KCNH6: variants seen among roughly 807,000 people sequenced by gnomAD.
KCNH6 encodes voltage-gated inwardly rectifying potassium channel KCNH6.
Under a neutral mutation model 83.4 loss-of-function variants are expected in KCNH6, and 81 were observed. The ratio of observed to expected loss-of-function variants is 0.97; its 90% CI spans 0.81 to 1.17. The LOEUF (loss-of-function observed/expected upper bound fraction) is 1.17, where lower values mean the gene tolerates loss of function less well. KCNH6 is among the 50% of genes most tolerant of loss of function. The probability of loss-of-function intolerance (pLI) is 0.00; values close to 1 mark genes in which losing one functional copy is unlikely to be tolerated. For missense variants in KCNH6, 1,203 were observed against 1,290.5 expected (o/e 0.93, Z 1.04); for synonymous variants, 503 against 545.6 (o/e 0.92, Z 1.09).
At chr17:63,537,967 TCAC>T (rs2032604598) in intron 6 of KCNH6, 95 bp from the exon 7 acceptor site, 2 of 1,227,432 alleles carry the variant, frequency 1.6e-6, no homozygotes, top group South Asian at 2.7e-5. Context: ...GAGGGGTCCT[TCAC>T]CAGGGGGCTG....
At chr17:63,526,193 A>G (rs567498708) in intron 2 of KCNH6, among the ~76,000 whole-genome samples, 2 of 152,252 alleles carry the variant, frequency 1.3e-5, no homozygotes, top group Admixed American at 1.3e-4. Flanking sequence ...CTGGTGCCCC[A>G]TAAGTCCCAA....
chr17:63,536,163 T>C (rs1454470362), intron 6 of KCNH6, 95 bp downstream of exon 6: 2 of 1,118,046 alleles, frequency 1.8e-6, no homozygotes, highest in African/African-American at 1.5e-5. Context: ...ACATAACACA[T>C]AGCAACAATT....
chr17:63,535,826 AC>A lies in KCNH6; in HGVS notation c.1260del (p.Tyr420Ter). ...LIAHWLACIW[Y>X]AIGNVERPYL... is the part of the protein sequence containing the mutation. ...GCGCACTGGCTGGCCTGCATCTGGT[AC>A]GCCATCGGCAATGTGGAGCGGCCCT... On this transcript the variant is annotated frameshift_variant, in exon 6 of 13. Transcript: ENST00000314672. LOFTEE classifies it high-confidence loss of function. This position sits in a 1 kb window ranked among gnomAD's most constrained non-coding sequence, Gnocchi z 4.9. 1.2e-6 allele frequency: 2 copies of A among 1,614,208 alleles called. No individual in the cohort carries two copies. The highest frequency in any genetic ancestry group is 2.2e-5 in the South Asian group (2 of 91,088).
In KCNH6 at chr17:63,535,559, ATGTT is replaced by A. The variant is rs899358895; in HGVS notation, c.1102-105_1102-102del. The A allele has an allele frequency of 5.7e-6, 6 of 1,046,312 alleles. No individual in the cohort carries two copies. The Admixed American group carries it at 1.2e-4, about 21-fold the overall frequency. The allele number at this position is 1,046,312 out of a possible 1,614,324, so 64.8% of individuals were successfully genotyped here. On this transcript the variant is annotated intron_variant, in intron 5 of 12. Transcript: ENST00000314672. The surrounding 1 kb of genome is among the most constrained non-coding windows in gnomAD (Gnocchi z 4.9). ...GTGGCCCGGAGGAAGTTCTCCATAA[ATGTT>A]TGTTGAATGAGTATGTGGTTGTATG...
Position 63,538,075 on chromosome 17 carries a change from C to A in KCNH6, c.1512C>A (p.Tyr504Ter). Reference protein sequence around the residue: ...ICVMLIGSLMYASIFGNVSAI... With the variant: ...ICVMLIGSLM ...CCGCCCCGCCCCCAGCCCTGATGTA[C>A]GCCAGCATCTTCGGGAACGTGTCCG... is the stretch of plus-strand genomic sequence containing the variant. The change falls in exon 7 of 13, where the codon TAC becomes TAA. Residue 504 changes from tyrosine to a stop codon, truncating the protein, a stop_gained. Transcript: ENST00000314672. LOFTEE classifies it high-confidence loss of function. The surrounding 1 kb of genome is among the most constrained non-coding windows in gnomAD (Gnocchi z 4.0). 1 of 1,613,470 alleles carries A rather than the reference C, an allele frequency of 6.2e-7. No homozygotes were observed. The highest frequency in any genetic ancestry group is 8.5e-7 in the Non-Finnish European group (1 of 1,179,968).
rs1443654714 is a variant in KCNH6 at position 63,535,895 on chromosome 17, A to G, written c.1328A>G (p.Gln443Arg). The G allele has an allele frequency of 6.2e-7, 1 of 1,614,110 alleles. No homozygotes were observed. Among genetic ancestry groups the G allele is most frequent in the East Asian group, 2.2e-5 (1 of 44,888 alleles). The change falls in exon 6 of 13, where the codon CAG (glutamine) becomes CGG (arginine). Residue 443 changes from glutamine to arginine, a missense_variant. Transcript: ENST00000314672. The surrounding 1 kb of genome is among the most constrained non-coding windows in gnomAD (Gnocchi z 4.9). ...GGCTGGCTGGACAGCCTGGGTGTGC[A>G]GCTTGGCAAGCGCTACAACGGCAGC... The part of the protein sequence containing the change: ...KIGWLDSLGV[Q>R]LGKRYNGSDP...
In KCNH6 at chr17:63,530,407, G is replaced by C; in HGVS notation, c.540G>C (p.Gln180His). 6.2e-7 allele frequency: 1 copy of C among 1,614,228 alleles called. No homozygotes were observed. Among genetic ancestry groups the C allele is most frequent in the East Asian group, 2.2e-5 (1 of 44,884 alleles). Residue 180 changes from glutamine to histidine, a missense_variant, in exon 4 of 13, where the codon CAG (glutamine) becomes CAC (histidine). Transcript: ENST00000314672. ...GGGGCAAGTACAGGACCATCAGCCA[G>C]ATCCCACAGTTCACGCTCAACTTCG... ...TGRGKYRTIS[Q>H]IPQFTLNFVE...
chr17:63,534,221 C>A lies in KCNH6; in HGVS notation c.1011C>A (p.Ile337=). The A allele has an allele frequency of 6.2e-7, 1 of 1,614,144 alleles. No individual in the cohort carries two copies. The highest frequency in any genetic ancestry group is 8.5e-7 in the Non-Finnish European group (1 of 1,180,004). ...NDEVVSHPRR[I]AVHYFKGWFL... ...AGGTGGTCAGCCACCCCCGCCGCAT[C>A]GCCGTCCACTACTTCAAGGGCTGGT... is the stretch of plus-strand genomic sequence containing the variant. The change falls in exon 5 of 13, where the codon ATC becomes ATA. Residue 337 remains isoleucine (I), a synonymous_variant. Transcript: ENST00000314672. The surrounding 1 kb of genome is among the most constrained non-coding windows in gnomAD (Gnocchi z 5.0).
At position 63,538,186 on chromosome 17, in the gene KCNH6, C is replaced by G. The variant is rs2032628369; in HGVS notation, c.1623C>G (p.Ile541Met). 4 of 1,614,168 alleles carry G rather than the reference C, an allele frequency of 2.5e-6. No individual in the cohort carries two copies. The East Asian group carries it at 8.9e-5, about 36-fold the overall frequency. The change falls in exon 7 of 13, where the codon ATC becomes ATG. Residue 541 changes from isoleucine (I) to methionine (M), a missense_variant. Physicochemically the swap from Ile to Met is conservative, Grantham distance 10 (BLOSUM62 1). Coordinates refer to ENST00000314672, the MANE Select transcript of KCNH6 (RefSeq NM_001278919.2). The surrounding 1 kb of genome is among the most constrained non-coding windows in gnomAD (Gnocchi z 4.0). ...RVKEFIRFHQIPNPLRQRLEE... is the reference protein window; with the variant it reads ...RVKEFIRFHQMPNPLRQRLEE... ...AGGAGTTCATCCGCTTCCACCAGAT[C>G]CCCAACCCACTGCGCCAGCGCCTGG...
chr17:63,533,786 C>T lies in KCNH6; in HGVS notation c.676-100C>T. Reference sequence around the variant, plus strand: ...TCTGCCCACCAGAGCCGTGGTCACCCACCCTCTCCCACTACACCTTCCCCA... The same window carrying T: ...TCTGCCCACCAGAGCCGTGGTCACCTACCCTCTCCCACTACACCTTCCCCA... On this transcript the variant is annotated intron_variant, in intron 4 of 12. Transcript: ENST00000314672. This position sits in a 1 kb window ranked among gnomAD's most constrained non-coding sequence, Gnocchi z 4.1. 8.7e-7 allele frequency: 1 copy of T among 1,145,794 alleles called. No homozygotes were observed. The allele number at this position is 1,145,794 out of a possible 1,614,324, so 71.0% of individuals were successfully genotyped here.
chr17:63,542,649 A>G (rs1475170111), intron 9 of KCNH6, among the ~76,000 whole-genome samples: 1 of 152,248 alleles, frequency 6.6e-6, no homozygotes, highest in Admixed American at 6.5e-5. Context: ...CTTCTTTTAC[A>G]TGATCTTCTT....
In KCNH6 at chr17:63,530,454, A is replaced by G. The variant is rs776306380; in HGVS notation, c.587A>G (p.His196Arg). The change falls in exon 4 of 13, where the codon CAC (histidine) becomes CGC (arginine). Residue 196 changes from histidine (H) to arginine (R), a missense_variant. Physicochemically the swap from His to Arg is conservative, Grantham distance 29. Transcript: ENST00000314672. The stretch of plus-strand genomic sequence containing the variant: ...TTCGTGGAGTTCAACTTGGAGAAGC[A>G]CCGCTCCAGCTCCACCACGGAGATT... ...LNFVEFNLEK[H>R]RSSSTTEIEI... 1.9e-6 allele frequency: 3 copies of G among 1,614,060 alleles called. No individual in the cohort carries two copies. In the South Asian group the frequency reaches 3.3e-5, roughly 18 times the overall value.
chr17:63,533,753 T>A lies in KCNH6; in HGVS notation c.676-133T>A. Reference sequence around the variant, plus strand: ...AGACACCCCCCACCCCATCTCTCCCTCATCCCCTCTGCCCACCAGAGCCGT... The same window carrying A: ...AGACACCCCCCACCCCATCTCTCCCACATCCCCTCTGCCCACCAGAGCCGT... On this transcript the variant is annotated intron_variant, in intron 4 of 12. Transcript: ENST00000314672. This position sits in a 1 kb window ranked among gnomAD's most constrained non-coding sequence, Gnocchi z 4.1. The A allele has an allele frequency of 4.3e-6, 3 of 702,232 alleles. No homozygotes were observed. The highest frequency in any genetic ancestry group is 7.1e-6 in the Non-Finnish European group (3 of 420,660). The allele number at this position is 702,232 out of a possible 1,614,324, so 43.5% of individuals were successfully genotyped here. A position where few individuals can be genotyped will look rare whatever the true frequency, so the allele number is the denominator to read the frequency against.
At chr17:63,531,395 C>T (rs2032100683) in intron 4 of KCNH6, among the ~76,000 whole-genome samples, 1 of 152,230 alleles carries the variant, frequency 6.6e-6, no homozygotes, top group Non-Finnish European at 1.5e-5. Flanking sequence ...GTAGTTCTGG[C>T]CCCAGGAGGC....
intron 9 of KCNH6, among the ~76,000 whole-genome samples, chr17:63,543,271 C>T (rs1325778621): frequency 6.6e-6 from 1 of 152,104 alleles, no homozygotes; most frequent in Admixed American, 6.5e-5. Context: ...ATCCCCTCTC[C>T]CCCTCCTCAG....
chr17:63,525,973 G>A (rs2031685097), intron 2 of KCNH6, among the ~76,000 whole-genome samples: 1 of 152,208 alleles, frequency 6.6e-6, no homozygotes, highest in Non-Finnish European at 1.5e-5. Flanking sequence ...CCTGATCCCA[G>A]ATTCCTAGGG....
At chr17:63,547,856 T>C (rs2033178406), downstream of KCNH6, among the ~76,000 whole-genome samples, 1 of 151,756 alleles carries the variant, frequency 6.6e-6, no homozygotes, top group Non-Finnish European at 1.5e-5. Flanking sequence ...CAGGGCTTGC[T>C]GGGAGGCTTG....
Position 63,546,027 on chromosome 17 carries a change from G to C in KCNH6, c.*125G>C. On this transcript the variant is annotated 3_prime_UTR_variant, in exon 13 of 13. Coordinates refer to ENST00000314672, the MANE Select transcript of KCNH6 (RefSeq NM_001278919.2). ...AGCACTTTGGGAGGCCGAGGCGGGC[G>C]GATCAGACCATCCTGGCTAACACGG... The C allele has an allele frequency of 2.5e-6, 2 of 806,088 alleles. No individual in the cohort carries two copies. The highest frequency in any genetic ancestry group is 3.4e-5 in the South Asian group (2 of 58,340). The allele number at this position is 806,088 out of a possible 1,614,324, so 49.9% of individuals were successfully genotyped here. A position where few individuals can be genotyped will look rare whatever the true frequency, so the allele number is the denominator to read the frequency against.
chr17:63,540,932 TC>T (rs1207267806), intron 8 of KCNH6, among the ~76,000 whole-genome samples: 1 of 152,160 alleles, frequency 6.6e-6, no homozygotes, highest in African/African-American at 2.4e-5. Flanking sequence ...CTTGTTTCTC[TC>T]GACACAGCCC....
Sources: allele counts gnomAD v4.1 joint callset (sites outside exome capture counted in the v4.1 genomes callset), GRCh38; gene constraint gnomAD v4.1.1; non-coding constraint Gnocchi (gnomAD v3.1); transcripts MANE v1.5; gene names NCBI Gene and HGNC (gene_info 2026-07-23, HGNC 2026-07-21).